Variants in LPP observed in about 807,000 individuals in gnomAD.
LPP encodes the protein lipoma-preferred partner.
Under a neutral mutation model 60.4 loss-of-function variants are expected in LPP, and 38 were observed. The ratio of observed to expected loss-of-function variants is 0.63; its 90% CI spans 0.49 to 0.83. The LOEUF (loss-of-function observed/expected upper bound fraction) is 0.83, where lower values mean the gene tolerates loss of function less well. Among genes scored for constraint, LPP ranks in the 40% least tolerant of loss-of-function variants. The probability of loss-of-function intolerance (pLI) is 0.00; values close to 1 mark genes in which losing one functional copy is unlikely to be tolerated. For synonymous variants in LPP, 328 were observed against 290.8 expected (o/e 1.13, Z -1.30); for missense variants, 902 against 783.6 (o/e 1.15, Z -1.80).
intron 2 of LPP, among the ~76,000 whole-genome samples, chr3:188,268,088 C>T (rs753996126): frequency 5.4e-5 from 8 of 148,992 alleles, no homozygotes; most frequent in Non-Finnish European, 1.2e-4. Context: ...CCATCTCTCC[C>T]TCCTCCACTT....
At chr3:188,807,704 G>A (rs1749598506) in intron 9 of LPP, among the ~76,000 whole-genome samples, 1 of 151,944 alleles carries the variant, frequency 6.6e-6, no homozygotes, top group Admixed American at 6.6e-5. Flanking sequence ...ATTTTCATAA[G>A]ACAGAATGAG....
At chr3:188,287,748 C>A (rs1374453162) in intron 2 of LPP, among the ~76,000 whole-genome samples, 1 of 152,068 alleles carries the variant, frequency 6.6e-6, no homozygotes, top group South Asian at 2.1e-4. Flanking sequence ...GTAATCGTCA[C>A]CTTGAATTTA....
chr3:188,644,458 G>A (rs1288499676), intron 7 of LPP, among the ~76,000 whole-genome samples: 2 of 152,118 alleles, frequency 1.3e-5, no homozygotes, highest in African/African-American at 4.8e-5. Flanking sequence ...ATTGATATGG[G>A]AAATGATGTT....
At chr3:188,378,458 C>T (rs1211531291) in intron 3 of LPP, among the ~76,000 whole-genome samples, 3 of 152,186 alleles carry the variant, frequency 2.0e-5, no homozygotes, top group South Asian at 2.1e-4. Flanking sequence ...TGTTTGATCT[C>T]GGACCGCTGT....
intron 3 of LPP, among the ~76,000 whole-genome samples, chr3:188,382,867 C>T (rs902335171): frequency 6.6e-6 from 1 of 152,184 alleles, no homozygotes; most frequent in African/African-American, 2.4e-5. Flanking sequence ...CCTCTGTAAC[C>T]TGTGACCTCC....
At chr3:188,709,174 T>C (rs1232577785) in intron 8 of LPP, 1 of 152,124 alleles carries the variant, frequency 6.6e-6, no homozygotes, top group Non-Finnish European at 1.5e-5. Context: ...ATGAATATAA[T>C]GCAAATTTAT....
At chr3:188,580,315 T>G (rs1315933643) in intron 6 of LPP, among the ~76,000 whole-genome samples, 1 of 152,168 alleles carries the variant, frequency 6.6e-6, no homozygotes, top group Non-Finnish European at 1.5e-5. Context: ...TAAAAGATTA[T>G]CAGTAAGATC....
chr3:188,866,549 G>A (rs1766657010), intron 10 of LPP, among the ~76,000 whole-genome samples, 171 bp downstream of exon 10: 1 of 152,094 alleles, frequency 6.6e-6, no homozygotes. Flanking sequence ...ATTAATATCA[G>A]ACAATCCATG....
chr3:188,376,962 T>G (rs1775305213), intron 3 of LPP, among the ~76,000 whole-genome samples: 1 of 152,352 alleles, frequency 6.6e-6, no homozygotes, highest in South Asian at 2.1e-4. Flanking sequence ...CCTTCACTTA[T>G]GAAGCTTAGT....
rs1038498729 is a variant in LPP at position 188,880,321 on chromosome 3, G to A, written c.*5842G>A. ...GCTGGGATTACAGGCGTGAGCCACC[G>A]TGCCCCGCGTGTTTTTTTCTTTAGC... On this transcript the variant is annotated 3_prime_UTR_variant, in exon 12 of 12. Coordinates refer to ENST00000617246, the MANE Select transcript of LPP (RefSeq NM_001375462.1). The A allele has an allele frequency of 5.7e-6, 1 of 176,510 alleles. No homozygotes were observed. 10.9% of individuals were successfully genotyped at this position (176,510 alleles called of 1,614,324 possible).
At chr3:188,174,718 T>C (rs1280855380) in intron 1 of LPP, among the ~76,000 whole-genome samples, 1 of 152,216 alleles carries the variant, frequency 6.6e-6, no homozygotes, top group Non-Finnish European at 1.5e-5. Context: ...TTGCAGCACT[T>C]TCTGCATTTG....
intron 2 of LPP, among the ~76,000 whole-genome samples, chr3:188,269,645 ATGTGTGTG>A (rs368115626): frequency 7.1e-4 from 97 of 136,514 alleles, no homozygotes; most frequent in Non-Finnish European, 6.2e-4. Flanking sequence ...CTTTTTTTTT[ATGTGTGTG>A]TGTGTGTGTG....
intron 7 of LPP, among the ~76,000 whole-genome samples, chr3:188,688,500 G>T (rs578142045): frequency 6.6e-6 from 1 of 152,222 alleles, no homozygotes; most frequent in Non-Finnish European, 1.5e-5. Flanking sequence ...TGCCAAGATA[G>T]TTGGAAGATG....
chr3:188,667,042 A>C (rs1296190505), intron 7 of LPP, among the ~76,000 whole-genome samples: 2 of 152,204 alleles, frequency 1.3e-5, no homozygotes, highest in Non-Finnish European at 2.9e-5. Context: ...GTACATTCTC[A>C]TTTGTGAACA....
chr3:188,410,355 G>A (rs577624858), intron 4 of LPP, among the ~76,000 whole-genome samples: 3 of 152,180 alleles, frequency 2.0e-5, no homozygotes, highest in Admixed American at 6.5e-5. Flanking sequence ...TTGGTGTTAC[G>A]TCTGTAATCT....
At chr3:188,642,373 A>G (rs573985741) in intron 7 of LPP, among the ~76,000 whole-genome samples, 1 of 152,350 alleles carries the variant, frequency 6.6e-6, no homozygotes, top group African/African-American at 2.4e-5. Flanking sequence ...GGAGCTAAAT[A>G]TTCTTCTAAA....
chr3:188,479,253 T>G (rs1217710655), intron 4 of LPP, among the ~76,000 whole-genome samples: 1 of 152,164 alleles, frequency 6.6e-6, no homozygotes, highest in East Asian at 1.9e-4. Flanking sequence ...TAGATTTTCC[T>G]CCAACAACCA....
intron 9 of LPP, among the ~76,000 whole-genome samples, chr3:188,857,927 T>C (rs915103471): frequency 6.6e-6 from 1 of 152,218 alleles, no homozygotes; most frequent in Non-Finnish European, 1.5e-5. Flanking sequence ...GAAATTTGTA[T>C]AGGGAATTTA....
chr3:188,325,823 G>A (rs1758271039), intron 2 of LPP, among the ~76,000 whole-genome samples: 1 of 152,154 alleles, frequency 6.6e-6, no homozygotes. Context: ...TGTTGCATCT[G>A]TATCTCCGCC....
Sources: gnomAD v4.1 joint callset for allele counts (sites outside exome capture counted in the v4.1 genomes callset) on GRCh38, gnomAD v4.1.1 for gene constraint, MANE v1.5 for transcripts, NCBI Gene and HGNC (gene_info 2026-07-23, HGNC 2026-07-21) for gene names.